CSTPP1: variants seen among roughly 807,000 people sequenced by gnomAD.
The protein encoded by CSTPP1 is UPF0705 protein C11orf49.
the CSTPP1 span, among the ~76,000 whole-genome samples, chr11:47,117,852 C>T: frequency 2.7e-5 from 4 of 149,478 alleles, no homozygotes; most frequent in African/African-American, 9.8e-5. Context: ...TTTCTCTAAC[C>T]TTGTCTTCTC....
At chr11:47,151,137 TAGA>T in the CSTPP1 span, among the ~76,000 whole-genome samples, 3 of 152,012 alleles carry the variant, frequency 2.0e-5, no homozygotes, top group Non-Finnish European at 1.5e-5. Flanking sequence ...GATACTCAAT[TAGA>T]AGAAGGCTCA....
chr11:47,139,954 T>C, the CSTPP1 span, among the ~76,000 whole-genome samples: 1 of 152,124 alleles, frequency 6.6e-6, no homozygotes, highest in Admixed American at 6.6e-5. Context: ...AAAGCTGCAT[T>C]GGCTGCACTG....
the CSTPP1 span, among the ~76,000 whole-genome samples, chr11:47,157,527 G>A: frequency 6.6e-6 from 1 of 152,202 alleles, no homozygotes. Flanking sequence ...TCTACACAAA[G>A]AGAGGGGTAA....
chr11:47,158,048 CG>C, the CSTPP1 span: 1 of 807,064 alleles, frequency 1.2e-6, no homozygotes. Context: ...TTCCCAGGGC[CG>C]GACTCAATCC....
the CSTPP1 span, among the ~76,000 whole-genome samples, chr11:47,037,758 C>T: frequency 2.4e-5 from 3 of 127,154 alleles, no homozygotes; most frequent in African/African-American, 4.9e-5. Context: ...TAGTGCAGAA[C>T]AAAATGAAAA....
chr11:47,142,030 G>A, the CSTPP1 span, among the ~76,000 whole-genome samples: 2 of 151,456 alleles, frequency 1.3e-5, no homozygotes, highest in African/African-American at 4.9e-5. Context: ...GGATCACGAG[G>A]TCAAGAGATC....
At chr11:47,114,421 C>A in the CSTPP1 span, among the ~76,000 whole-genome samples, 1 of 152,166 alleles carries the variant, frequency 6.6e-6, no homozygotes, top group African/African-American at 2.4e-5. Flanking sequence ...GGCAGTGAAT[C>A]TACAAATTAC....
At chr11:46,958,151 C>CT in the CSTPP1 span, among the ~76,000 whole-genome samples, 3 of 151,914 alleles carry the variant, frequency 2.0e-5, no homozygotes, top group Admixed American at 6.6e-5. Flanking sequence ...TTGTGATTTT[C>CT]TTTTTTTTAA....
chr11:46,983,908 A>AGGG, the CSTPP1 span, among the ~76,000 whole-genome samples: 1 of 152,234 alleles, frequency 6.6e-6, no homozygotes, highest in African/African-American at 2.4e-5. Flanking sequence ...CCCTTCACCC[A>AGGG]CACGTAAAAA....
the CSTPP1 span, chr11:46,936,762 C>A: frequency 1.2e-6 from 2 of 1,606,152 alleles, no homozygotes; most frequent in Non-Finnish European, 1.7e-6. Context: ...ACCTGGGTTC[C>A]GGAAGCCGGA....
the CSTPP1 span, among the ~76,000 whole-genome samples, chr11:47,001,497 A>G: frequency 3.9e-5 from 6 of 152,142 alleles, no homozygotes; most frequent in Non-Finnish European, 8.8e-5. Context: ...AGATTCCAAT[A>G]GTGCATACCC....
the CSTPP1 span, among the ~76,000 whole-genome samples, chr11:47,125,231 G>T: frequency 6.6e-6 from 1 of 152,142 alleles, no homozygotes; most frequent in Non-Finnish European, 1.5e-5. Flanking sequence ...CTTCTTTCTG[G>T]TTCTTGCTGT....
the CSTPP1 span, among the ~76,000 whole-genome samples, chr11:46,974,514 G>A: frequency 2.6e-3 from 340 of 128,596 alleles, no homozygotes; most frequent in African/African-American, 9.2e-3. Context: ...GCAAAAGAGC[G>A]AGACTCTGTC....
the CSTPP1 span, among the ~76,000 whole-genome samples, chr11:47,008,256 C>T: frequency 9.9e-5 from 15 of 151,764 alleles, no homozygotes; most frequent in South Asian, 2.1e-4. Context: ...TGAGCCACCG[C>T]GCCCAGCCAA....
At chr11:47,098,721 C>CT in the CSTPP1 span, among the ~76,000 whole-genome samples, 1 of 152,040 alleles carries the variant, frequency 6.6e-6, no homozygotes, top group African/African-American at 2.4e-5. Context: ...AGGCTGGTCT[C>CT]TAACTCCTGA....
chr11:47,046,667 T>TC, the CSTPP1 span, among the ~76,000 whole-genome samples: 18 of 122,350 alleles, frequency 1.5e-4, no homozygotes, highest in East Asian at 2.4e-3. Flanking sequence ...TTTCTTTTTT[T>TC]TTTTTTTTTT....
the CSTPP1 span, among the ~76,000 whole-genome samples, chr11:47,033,960 C>T: frequency 2.6e-5 from 4 of 151,928 alleles, no homozygotes; most frequent in South Asian, 6.2e-4. Flanking sequence ...TTCAAAAGAA[C>T]TTTAAAAGGC....
chr11:47,006,359 AAAT>A, the CSTPP1 span, among the ~76,000 whole-genome samples: 1 of 152,136 alleles, frequency 6.6e-6, no homozygotes, highest in African/African-American at 2.4e-5. Flanking sequence ...GCTTCTTTGA[AAAT>A]AATCTTTTTT....
At chr11:46,980,365 A>G in the CSTPP1 span, among the ~76,000 whole-genome samples, 1 of 152,220 alleles carries the variant, frequency 6.6e-6, no homozygotes, top group Non-Finnish European at 1.5e-5. Context: ...GACTAGCCGT[A>G]TAGCAGGACT....
Sources: gnomAD v4.1 joint callset for allele counts (sites outside exome capture counted in the v4.1 genomes callset) on GRCh38, gnomAD v4.1.1 for gene constraint, MANE v1.5 for transcripts, NCBI Gene and HGNC (gene_info 2026-07-23, HGNC 2026-07-21) for gene names.